XKR6: variants seen among roughly 807,000 people sequenced by gnomAD.
XKR6 encodes XK related 6, also known as XK-related protein 6.
Under a neutral mutation model 56.7 loss-of-function variants are expected in XKR6, and 22 were observed. The observed-to-expected ratio is 0.39, with a 90% CI of 0.28 to 0.55. The LOEUF (loss-of-function observed/expected upper bound fraction) is 0.55, where lower values mean the gene tolerates loss of function less well. XKR6 is among the 20% of genes least tolerant of loss of function. The probability of loss-of-function intolerance (pLI) is 0.66; values close to 1 mark genes in which losing one functional copy is unlikely to be tolerated. For synonymous variants in XKR6, 524 were observed against 387.8 expected, an observed-to-expected ratio of 1.35 and a Z score of -4.13; for missense variants, 852 against 889.0, an observed-to-expected ratio of 0.96 and a Z score of 0.53.
chr8:11,074,282 C>T lies in XKR6; in HGVS notation c.764+126294G>A, dbSNP rs1470926463. ...GCTCCCTCTGTCTAGTGTGCCGTTT[C>T]CCGGCCTTGGGTCTCCTCTGTCTTA... On this transcript the variant is annotated intron_variant, in intron 1 of 2. Transcript: ENST00000416569. Among the ~76,000 whole-genome samples, 4 of 152,142 alleles carry T rather than the reference C, an allele frequency of 2.6e-5. 1 individual carries two copies. The highest frequency in any genetic ancestry group is 6.5e-5 in the Admixed American group (1 of 15,272).
At chr8:11,163,507 T>A (rs1454943002) in intron 1 of XKR6, among the ~76,000 whole-genome samples, 4 of 152,210 alleles carry the variant, frequency 2.6e-5, no homozygotes, top group African/African-American at 9.6e-5. Flanking sequence ...TGTAACTATT[T>A]CCCTGCATCC....
intron 1 of XKR6, among the ~76,000 whole-genome samples, chr8:11,198,500 A>G (rs1375815622): frequency 6.9e-6 from 1 of 144,072 alleles, no homozygotes; most frequent in African/African-American, 2.6e-5. Context: ...ATCAATGCAG[A>G]GGAAAGTTAA....
chr8:11,039,320 C>T (rs1368970443), intron 1 of XKR6, among the ~76,000 whole-genome samples: 4 of 152,206 alleles, frequency 2.6e-5, no homozygotes, highest in Non-Finnish European at 4.4e-5. Flanking sequence ...GGGATTGAGG[C>T]CCTGGGAAAG....
At chr8:11,096,479 A>G (rs2129174528) in intron 1 of XKR6, among the ~76,000 whole-genome samples, 1 of 152,372 alleles carries the variant, frequency 6.6e-6, no homozygotes, top group African/African-American at 2.4e-5. Flanking sequence ...TATGTTTTTA[A>G]CAAAACACCA....
chr8:10,944,203 C>G (rs1035069052), intron 1 of XKR6, among the ~76,000 whole-genome samples: 1 of 152,198 alleles, frequency 6.6e-6, no homozygotes, highest in African/African-American at 2.4e-5. Context: ...CTCCTTCGAC[C>G]AAGAGCTGCC....
At chr8:10,922,612 C>G (rs760281088) in intron 2 of XKR6, among the ~76,000 whole-genome samples, 1 of 152,222 alleles carries the variant, frequency 6.6e-6, no homozygotes, top group Non-Finnish European at 1.5e-5. Context: ...GTTGTCCATG[C>G]TCACACCATG....
Position 11,055,533 on chromosome 8 carries a change from G to A in XKR6, c.765-130703C>T, listed in dbSNP as rs376231227. ...CAGGCCTCCCTCAGCCCTGCAGGGA[G>A]CGGCATGGGGTTCCGCCCGCCCCGC... is the stretch of plus-strand genomic sequence containing the variant. On this transcript the variant is annotated intron_variant, in intron 1 of 2. Transcript: ENST00000416569. Among the ~76,000 whole-genome samples the A allele has an allele frequency of 1.7e-3, 263 of 152,300 alleles. 8 individuals carry two copies. In the South Asian group the frequency reaches 0.051, roughly 30 times the overall value.
At chr8:11,119,002 T>C (rs1286022180) in intron 1 of XKR6, among the ~76,000 whole-genome samples, 1 of 152,210 alleles carries the variant, frequency 6.6e-6, no homozygotes, top group African/African-American at 2.4e-5. Flanking sequence ...GATTCTGGTA[T>C]GTTGTGTCTT....
At chr8:11,025,352 C>T (rs1398779583) in intron 1 of XKR6, among the ~76,000 whole-genome samples, 1 of 152,160 alleles carries the variant, frequency 6.6e-6, no homozygotes, top group Non-Finnish European at 1.5e-5. Flanking sequence ...AATATGCTTC[C>T]TTTCTAAGAG....
At chr8:11,087,883 T>G (rs898430792) in intron 1 of XKR6, among the ~76,000 whole-genome samples, 1 of 152,220 alleles carries the variant, frequency 6.6e-6, no homozygotes, top group Admixed American at 6.5e-5. Flanking sequence ...TTTCTGTCCT[T>G]TAAAGGGTGA....
intron 1 of XKR6, among the ~76,000 whole-genome samples, chr8:10,993,363 TAGAA>T (rs1300924565): frequency 6.6e-6 from 1 of 152,052 alleles, no homozygotes; most frequent in Non-Finnish European, 1.5e-5. Context: ...GGTGACATCA[TAGAA>T]GGAAGAAAGG....
At position 10,913,128 on chromosome 8, in the gene XKR6, A is replaced by G. The variant is rs569578662; in HGVS notation, c.961+11506T>C. Among the ~76,000 whole-genome samples, 3 of 151,486 alleles carry G rather than the reference A, an allele frequency of 2.0e-5. 1 individual carries two copies. Among genetic ancestry groups the G allele is most frequent in the African/African-American group, 7.3e-5 (3 of 41,230 alleles). On this transcript the variant is annotated intron_variant, in intron 2 of 2. Coordinates refer to ENST00000416569, the MANE Select transcript of XKR6 (RefSeq NM_173683.4). ...GTATATATATAGAGGGTGTGTATGT[A>G]TGTCATCTTTTCTGTGTATGTATAT...
chr8:10,992,897 C>T (rs1332836553), intron 1 of XKR6, among the ~76,000 whole-genome samples: 1 of 152,168 alleles, frequency 6.6e-6, no homozygotes. Context: ...TGGTGCTAAC[C>T]AACCACCACG....
intron 1 of XKR6, among the ~76,000 whole-genome samples, chr8:11,019,841 T>C (rs1174120834): frequency 6.6e-6 from 1 of 152,206 alleles, no homozygotes; most frequent in East Asian, 1.9e-4. Context: ...GATGCTGTAC[T>C]TCCGTGTAAG....
At chr8:10,923,905 A>G (rs1800798643) in intron 2 of XKR6, among the ~76,000 whole-genome samples, 1 of 152,218 alleles carries the variant, frequency 6.6e-6, no homozygotes, top group Admixed American at 6.5e-5. Flanking sequence ...TCTCTTCAGC[A>G]ACTTCTTGCC....
At chr8:11,052,718 G>A (rs1354278536) in intron 1 of XKR6, among the ~76,000 whole-genome samples, 15 of 62,958 alleles carry the variant, frequency 2.4e-4, no homozygotes, top group Middle Eastern at 0.011. Context: ...CCCCCACCCC[G>A]ACCCCTGTTT....
intron 1 of XKR6, among the ~76,000 whole-genome samples, chr8:11,136,638 A>G (rs768567063): frequency 9.2e-5 from 14 of 152,166 alleles, no homozygotes; most frequent in Non-Finnish European, 1.8e-4. Context: ...GTACCCTATC[A>G]GTAGAGACAA....
At chr8:10,906,051 G>A (rs900850159) in intron 2 of XKR6, among the ~76,000 whole-genome samples, 2 of 152,122 alleles carry the variant, frequency 1.3e-5, no homozygotes, top group African/African-American at 2.4e-5. Context: ...CCCACCCAAG[G>A]CCACACAGCT....
intron 1 of XKR6, among the ~76,000 whole-genome samples, chr8:10,949,487 GC>G (rs1206478959): frequency 2.2e-4 from 34 of 152,204 alleles, no homozygotes; most frequent in Non-Finnish European, 5.9e-5. Flanking sequence ...CTGAGCTCTC[GC>G]TCTGTAGCCA....
Sources: gnomAD v4.1 joint callset for allele counts (sites outside exome capture counted in the v4.1 genomes callset) on GRCh38, gnomAD v4.1.1 for gene constraint, MANE v1.5 for transcripts, NCBI Gene and HGNC (gene_info 2026-07-23, HGNC 2026-07-21) for gene names.